The following RAB6A variants were observed in gnomAD, a reference collection of about 807,000 sequenced individuals.
RAB6A encodes RAB6A, member RAS oncogene family, also known as ras-related protein Rab-6A.
A neutral mutation model predicts 32.3 loss-of-function variants in RAB6A; 8 were observed. The observed-to-expected ratio is 0.25, with a 90% CI of 0.15 to 0.45. RAB6A has a LOEUF of 0.45. RAB6A is among the 20% of genes least tolerant of loss of function. The probability of loss-of-function intolerance (pLI) is 1.00; values close to 1 mark genes in which losing one functional copy is unlikely to be tolerated. For missense variants in RAB6A, 104 were observed against 249.4 expected (o/e 0.42, Z 3.93); for synonymous variants, 73 against 82.1 (o/e 0.89, Z 0.60).
chr11:73,742,283 AAAAT>A lies in RAB6A; in HGVS notation c.71-11464_71-11461del, dbSNP rs748036505. On this transcript the variant is annotated intron_variant, in intron 1 of 7. Coordinates refer to ENST00000336083, the MANE Select transcript of RAB6A (RefSeq NM_198896.2). ...GGCGACAGAGCGAGACTCTGTCTCA[AAAAT>A]AAATAAATAAATAAATAATAATAAA... is the stretch of plus-strand genomic sequence containing the variant. 2.9e-4 allele frequency among the ~76,000 whole-genome samples: 44 copies of A among 152,012 alleles called. 1 individual carries two copies. Among genetic ancestry groups the A allele is most frequent in the South Asian group, 1.9e-3 (9 of 4,808 alleles).
intron 5 of RAB6A, among the ~76,000 whole-genome samples, chr11:73,709,876 C>CACATATAT (rs1565357977): frequency 1.4e-5 from 2 of 145,314 alleles, no homozygotes; most frequent in African/African-American, 2.5e-5. Flanking sequence ...TACACATATA[C>CACATATAT]ATACATATAT....
chr11:73,739,276 AAAAAAAAAAT>A (rs1447940469), intron 1 of RAB6A, among the ~76,000 whole-genome samples: 1 of 20,728 alleles, frequency 4.8e-5, no homozygotes, highest in Non-Finnish European at 1.3e-4. Flanking sequence ...AAAAAAAAAA[AAAAAAAAAAT>A]ATATATATAT....
intron 1 of RAB6A, among the ~76,000 whole-genome samples, chr11:73,734,375 C>T (rs1336953364): frequency 1.3e-5 from 2 of 152,152 alleles, no homozygotes; most frequent in African/African-American, 4.8e-5. Context: ...ATATACCTGC[C>T]TCAGCCCCCC....
At position 73,677,044 on chromosome 11, in the gene RAB6A, G is replaced by T. The variant is rs2134853316; in HGVS notation, c.*854C>A. On this transcript the variant is annotated 3_prime_UTR_variant, in exon 8 of 8. Transcript: ENST00000336083. ...TCTTGACAATTTTAAAACCTTGGGA[G>T]AAACAGTTCATTAGAACTTCATTTT... is the stretch of plus-strand genomic sequence containing the variant. 6.0e-6 allele frequency: 1 copy of T among 166,926 alleles called. No homozygotes were observed. Among genetic ancestry groups the T allele is most frequent in the East Asian group, 1.9e-4 (1 of 5,194 alleles). 10.3% of individuals were successfully genotyped at this position (166,926 alleles called of 1,614,324 possible).
At chr11:73,735,947 G>GAA (rs1448178788) in intron 1 of RAB6A, among the ~76,000 whole-genome samples, 1 of 138,416 alleles carries the variant, frequency 7.2e-6, no homozygotes, top group East Asian at 2.1e-4. Context: ...AAGAGAGAGA[G>GAA]AGACAGAGAG....
chr11:73,756,294 C>T (rs1385047453), intron 1 of RAB6A, among the ~76,000 whole-genome samples: 1 of 152,124 alleles, frequency 6.6e-6, no homozygotes, highest in Admixed American at 6.5e-5. Context: ...GTGGAGGGTG[C>T]AGTGAGCTGA....
At chr11:73,739,284 A>AAAAAAAAATATAT (rs1208877325) in intron 1 of RAB6A, among the ~76,000 whole-genome samples, 6 of 6,758 alleles carry the variant, frequency 8.9e-4, no homozygotes, top group Non-Finnish European at 1.4e-3. Context: ...AAAAAAAAAA[A>AAAAAAAAATATAT]ATATATATAT....
rs955185675 is a variant in RAB6A, at chr11:73,760,848, C to A, written c.-213G>T. 4 of 550,828 alleles carry A rather than the reference C, an allele frequency of 7.3e-6. No homozygotes were observed. Among genetic ancestry groups the A allele is most frequent in the Non-Finnish European group, 1.2e-5 (4 of 326,084 alleles). 34.1% of individuals were successfully genotyped at this position (550,828 alleles called of 1,614,324 possible). A position where few individuals can be genotyped will look rare whatever the true frequency, so the allele number is the denominator to read the frequency against. ...CCCGGCAGAGTAGCCTAGCACCGAG[C>A]GAGGCCCGCGGCTGGGAAGGGAAGG... On this transcript the variant is annotated 5_prime_UTR_variant, in exon 1 of 8. Coordinates refer to ENST00000336083, the MANE Select transcript of RAB6A (RefSeq NM_198896.2).
intron 5 of RAB6A, among the ~76,000 whole-genome samples, chr11:73,714,150 C>T (rs1946010746): frequency 7.1e-6 from 1 of 140,026 alleles, no homozygotes; most frequent in South Asian, 2.2e-4. Flanking sequence ...CAAGATTGTG[C>T]CATTGTACTC....
intron 5 of RAB6A, among the ~76,000 whole-genome samples, chr11:73,714,209 A>AATATATATATATAT (rs1555059763): frequency 3.3e-4 from 19 of 57,566 alleles, no homozygotes; most frequent in Admixed American, 1.1e-3. Context: ...AAAAAAAAAA[A>AATATATATATATAT]ATATATATAT....
At chr11:73,722,305 GTATATATATATATATATA>G (rs1204770272) in intron 2 of RAB6A, 4 of 42,368 alleles carry the variant, frequency 9.4e-5, no homozygotes, top group African/African-American at 3.0e-4. Flanking sequence ...ATGTGTGTGT[GTATATATATATATATATA>G]TATATATATA....
At chr11:73,735,590 G>A (rs569826420) in intron 1 of RAB6A, among the ~76,000 whole-genome samples, 19 of 152,100 alleles carry the variant, frequency 1.2e-4, no homozygotes, top group Non-Finnish European at 2.5e-4. Context: ...GGAGACTTTA[G>A]CTAGAAGAAA....
At chr11:73,691,789 C>T (rs986565337) in intron 6 of RAB6A, among the ~76,000 whole-genome samples, 17 of 151,948 alleles carry the variant, frequency 1.1e-4, no homozygotes, top group African/African-American at 3.9e-4. Flanking sequence ...GGGGAAACCC[C>T]GTCTCTACTA....
At chr11:73,750,075 A>C (rs1946651220) in intron 1 of RAB6A, among the ~76,000 whole-genome samples, 1 of 152,218 alleles carries the variant, frequency 6.6e-6, no homozygotes, top group Non-Finnish European at 1.5e-5. Context: ...GATGAGTGTT[A>C]GAAGTAAGTG....
intron 6 of RAB6A, among the ~76,000 whole-genome samples, chr11:73,690,873 C>A (rs1478913596): frequency 8.1e-6 from 1 of 123,364 alleles, no homozygotes; most frequent in Non-Finnish European, 1.7e-5. Context: ...CAAAATGCAG[C>A]TTCTTTTATT....
chr11:73,732,119 T>G (rs940173518), intron 1 of RAB6A, among the ~76,000 whole-genome samples: 1 of 152,102 alleles, frequency 6.6e-6, no homozygotes. Flanking sequence ...TCTTTACCAA[T>G]AAGCACATTC....
At chr11:73,704,362 A>C (rs1359273938) in intron 6 of RAB6A, 1 of 203,314 alleles carries the variant, frequency 4.9e-6, no homozygotes, top group African/African-American at 2.4e-5. Flanking sequence ...CAGCCTGGGC[A>C]ACAGAGCAAG....
intron 7 of RAB6A, 126 bp from the exon 8 acceptor site, chr11:73,678,088 C>T: frequency 1.1e-6 from 1 of 937,948 alleles, no homozygotes; most frequent in Non-Finnish European, 1.7e-6. Context: ...CTATTTTCTA[C>T]ATAGCCGCCT....
intron 6 of RAB6A, among the ~76,000 whole-genome samples, chr11:73,686,533 T>A (rs1945459350): frequency 6.6e-6 from 1 of 152,106 alleles, no homozygotes; most frequent in South Asian, 2.1e-4. Flanking sequence ...CCAGCCTAGA[T>A]GACAGAGTGA....
Sources: allele counts gnomAD v4.1 joint callset (sites outside exome capture counted in the v4.1 genomes callset), GRCh38; gene constraint gnomAD v4.1.1; transcripts MANE v1.5; gene names NCBI Gene and HGNC (gene_info 2026-07-23, HGNC 2026-07-21).